Variants in B9D1 observed in about 807,000 individuals in gnomAD.
B9D1 encodes B9 domain containing 1, also known as B9 domain-containing protein 1.
B9D1 carries 20 observed loss-of-function variants against 26.1 expected under a neutral mutation model. The observed-to-expected ratio is 0.77, with a 90% CI of 0.54 to 1.12. The LOEUF (loss-of-function observed/expected upper bound fraction) is 1.12, where lower values mean the gene tolerates loss of function less well. Among genes scored for constraint, B9D1 ranks in the 50% most tolerant of loss-of-function variants. The pLI is 0.00. For missense variants in B9D1, 260 were observed against 273.7 expected (o/e 0.95, Z 0.35); for synonymous variants, 105 against 103.1 (o/e 1.02, Z -0.11).
In B9D1 at chr17:19,370,415, G is replaced by A. The variant is rs1911836754; in HGVS notation, c.-298+7444C>T. On this transcript the variant is annotated intron_variant, in intron 1 of 5. Coordinates refer to the B9D1 transcript ENST00000477478. This position sits in a 1 kb window ranked among gnomAD's most constrained non-coding sequence, Gnocchi z 5.1. ...AGCAGAGGGCCAGGAGAAGGGGCGT[G>A]TGGCTGTGTGGTTGACATCTCGATG... Among the ~76,000 whole-genome samples the A allele has an allele frequency of 6.6e-6, 1 of 152,218 alleles. No homozygotes were observed. Among genetic ancestry groups the A allele is most frequent in the African/African-American group, 2.4e-5 (1 of 41,456 alleles).
intron 5 of B9D1, chr17:19,344,560 G>C: frequency 4.1e-6 from 1 of 245,068 alleles, no homozygotes; most frequent in South Asian, 3.4e-5. Flanking sequence ...TTCCCGGCCG[G>C]GTGGGTCCAG....
intron 1 of B9D1, among the ~76,000 whole-genome samples, chr17:19,374,215 GC>G (rs1268514172): frequency 1.3e-5 from 2 of 152,216 alleles, no homozygotes; most frequent in Admixed American, 6.5e-5. Context: ...CTGACCCTCG[GC>G]CTGTGCTGGG....
At chr17:19,361,346 G>A (rs768170499) in intron 1 of B9D1, among the ~76,000 whole-genome samples, 1 of 152,152 alleles carries the variant, frequency 6.6e-6, no homozygotes, top group Non-Finnish European at 1.5e-5. Flanking sequence ...GTGCCAAAAA[G>A]GTTGAGGACC....
At position 19,347,142 on chromosome 17, in the gene B9D1, T is replaced by G; in HGVS notation, c.404+127A>C. Reference sequence around the variant, plus strand: ...AGCACTCCCAGGGGACCTGTTTCTATTTGTCCTCAGTGGGTGGAGCAGCTT... The same window carrying G: ...AGCACTCCCAGGGGACCTGTTTCTAGTTGTCCTCAGTGGGTGGAGCAGCTT... On this transcript the variant is annotated intron_variant, in intron 5 of 6. Transcript: ENST00000261499. This position sits in a 1 kb window ranked among gnomAD's most constrained non-coding sequence, Gnocchi z 4.3. The G allele has an allele frequency of 6.2e-7, 1 of 1,606,206 alleles. No individual in the cohort carries two copies. Among genetic ancestry groups the G allele is most frequent in the Non-Finnish European group, 8.5e-7 (1 of 1,175,990 alleles).
intron 3 of B9D1, among the ~76,000 whole-genome samples, chr17:19,355,747 T>C (rs1910264279): frequency 6.6e-6 from 1 of 151,832 alleles, no homozygotes; most frequent in Non-Finnish European, 1.5e-5. Flanking sequence ...GGCAGGAGAA[T>C]GGCATGAACC....
rs1911288086 is a variant in B9D1 at position 19,362,665 on chromosome 17, GAC to G, written c.-98_-97del. 6.5e-7 allele frequency: 1 copy of G among 1,547,710 alleles called. No homozygotes were observed. Among genetic ancestry groups the G allele is most frequent in the Non-Finnish European group, 8.7e-7 (1 of 1,146,208 alleles). ...TAGAAACAGACGGCGTAGCGCGCAG[GAC>G]ACGTTTCTTGGCAGCGACACCTTCG... On this transcript the variant is annotated 5_prime_UTR_variant, in exon 1 of 7. It introduces an in-frame stop codon into an upstream open reading frame of the 5' UTR. Coordinates refer to ENST00000261499, the MANE Select transcript of B9D1 (RefSeq NM_015681.6).
At chr17:19,344,750 T>G (rs1408466726) in intron 5 of B9D1, among the ~76,000 whole-genome samples, 1 of 152,194 alleles carries the variant, frequency 6.6e-6, no homozygotes, top group African/African-American at 2.4e-5. Context: ...AGCGCTCACC[T>G]GGGGCGGCTG....
upstream of B9D1, among the ~76,000 whole-genome samples, chr17:19,365,363 G>A (rs1911533081): frequency 6.6e-6 from 1 of 152,226 alleles, no homozygotes; most frequent in East Asian, 1.9e-4. The surrounding 1 kb of genome is among the most constrained non-coding windows in gnomAD (Gnocchi z 5.0). Flanking sequence ...GAGCTGGAGA[G>A]GCTGGGGGCC....
At position 19,347,757 on chromosome 17, in the gene B9D1, A is replaced by C. The variant is rs1347638777; in HGVS notation, c.341+27T>G. The C allele has an allele frequency of 1.2e-6, 2 of 1,600,024 alleles. No homozygotes were observed. Among genetic ancestry groups the C allele is most frequent in the Non-Finnish European group, 1.7e-6 (2 of 1,167,558 alleles). ...GTCTGTCCTAGGACAAGTCCTGCCC[A>C]GGGCCCAGGTCAGAATGAGGACCTA... is the stretch of plus-strand genomic sequence containing the variant. On this transcript the variant is annotated intron_variant, in intron 4 of 6. Transcript: ENST00000261499. This position sits in a 1 kb window ranked among gnomAD's most constrained non-coding sequence, Gnocchi z 4.3.
chr17:19,367,308 C>CTTT (rs35898862), upstream of B9D1, among the ~76,000 whole-genome samples: 40 of 121,486 alleles, frequency 3.3e-4, no homozygotes, highest in Non-Finnish European at 3.5e-4. Context: ...TAAAATCAAT[C>CTTT]TTTTTTTTTT....
intron 1 of B9D1, among the ~76,000 whole-genome samples, chr17:19,373,092 C>A (rs76776647): frequency 6.6e-6 from 1 of 152,140 alleles, no homozygotes; most frequent in Admixed American, 6.5e-5. Flanking sequence ...TCCCCTCCCC[C>A]ACGCTGAGCC....
chr17:19,338,373 G>C (rs1907635166), downstream of B9D1, among the ~76,000 whole-genome samples: 1 of 152,252 alleles, frequency 6.6e-6, no homozygotes, highest in Admixed American at 6.5e-5. Context: ...TGGGTGGATG[G>C]TTCCAGGCCA....
intron 5 of B9D1, chr17:19,346,831 C>T (rs1262645342): frequency 1.1e-5 from 13 of 1,133,788 alleles, no homozygotes; most frequent in Middle Eastern, 3.4e-4. Flanking sequence ...TGATGTTCTT[C>T]CCCGGCTCTT....
At chr17:19,341,444 A>AACTC, downstream of B9D1, 1 of 606,256 alleles carries the variant, frequency 1.6e-6, no homozygotes, top group East Asian at 3.5e-5. Flanking sequence ...CGTGTAGGAA[A>AACTC]ACTCACGATG....
chr17:19,376,985 G>A (rs994413079), intron 1 of B9D1, among the ~76,000 whole-genome samples: 6 of 152,014 alleles, frequency 3.9e-5, no homozygotes, highest in Non-Finnish European at 2.9e-5. Context: ...GAGTTGTCCC[G>A]CCCTTCCAGA....
rs767709175 is a variant in B9D1 at position 19,343,559 on chromosome 17, T to C, written c.473-98A>G. ...AGCCTCAGCGTTCTCATCTGTAAAA[T>C]GGGGACAACAGTGCCTGACCCAAGC... On this transcript the variant is annotated intron_variant, in intron 6 of 6. Coordinates refer to ENST00000261499, the MANE Select transcript of B9D1 (RefSeq NM_015681.6). 6 of 1,590,132 alleles carry C rather than the reference T, an allele frequency of 3.8e-6. No individual in the cohort carries two copies. The East Asian group carries it at 1.1e-4, about 30-fold the overall frequency.
chr17:19,355,833 CA>C lies in B9D1; in HGVS notation c.244+2006del, dbSNP rs920559116. The stretch of plus-strand genomic sequence containing the variant: ...TGGGCAACAGAGCAAGACTCAGTCT[CA>C]AAAAAAAAAGTCAGGCTTCCTAGTT... On this transcript the variant is annotated intron_variant, in intron 3 of 6. Transcript: ENST00000261499. Among the ~76,000 whole-genome samples the C allele has an allele frequency of 1.5e-3, 228 of 147,210 alleles. 1 individual carries two copies. The highest frequency in any genetic ancestry group is 4.6e-3 in the African/African-American group (186 of 40,188).
chr17:19,360,366 T>C lies in B9D1; in HGVS notation c.86A>G (p.Tyr29Cys), dbSNP rs1395388731. 12 of 1,613,926 alleles carry C rather than the reference T, an allele frequency of 7.4e-6. No homozygotes were observed. Among genetic ancestry groups the C allele is most frequent in the Non-Finnish European group, 1.0e-5 (12 of 1,180,016 alleles). The change falls in exon 2 of 7, where the codon TAC becomes TGC. Residue 29 changes from tyrosine (Y) to cysteine (C), a missense_variant. By Grantham distance (194) the Tyr-to-Cys change is radical. Coordinates refer to ENST00000261499, the MANE Select transcript of B9D1 (RefSeq NM_015681.6). ...GCCGTACACAAAGCAGTACTTGCAG[T>C]AGAGGTCATCATACTCTGGAAACTG... ...SAQFPEYDDLYCKYCFVYGQD... is the reference protein window; with the variant it reads ...SAQFPEYDDLCCKYCFVYGQD...
intron 5 of B9D1, among the ~76,000 whole-genome samples, chr17:19,345,981 T>C (rs1234636219): frequency 6.6e-6 from 1 of 152,200 alleles, no homozygotes; most frequent in Non-Finnish European, 1.5e-5. Context: ...TGCGAGCCCC[T>C]CCACAGGGGC....
Sources: gnomAD v4.1 joint callset for allele counts (sites outside exome capture counted in the v4.1 genomes callset) on GRCh38, gnomAD v4.1.1 for gene constraint, Gnocchi (gnomAD v3.1) non-coding constraint, MANE v1.5 for transcripts, NCBI Gene and HGNC (gene_info 2026-07-23, HGNC 2026-07-21) for gene names.